DNAH8: variants seen among roughly 807,000 people sequenced by gnomAD.
DNAH8 encodes dynein axonemal heavy chain 8.
DNAH8 carries 382 observed loss-of-function variants against 562.1 expected under a neutral mutation model. That is an observed-to-expected ratio of 0.68 (90% confidence interval 0.63 to 0.74). The LOEUF (loss-of-function observed/expected upper bound fraction) is 0.74. Among genes scored for constraint, DNAH8 ranks in the 30% least tolerant of loss-of-function variants. The pLI, the probability that DNAH8 is intolerant of heterozygous loss-of-function variation, is 0.00. For missense variants in DNAH8, 5,203 were observed against 5,620.4 expected, an observed-to-expected ratio of 0.93 and a Z score of 2.37; for synonymous variants, 1,881 against 1,919.4, an observed-to-expected ratio of 0.98 and a Z score of 0.52.
chr6:38,978,943 T>C (rs1561937093), intron 85 of DNAH8, among the ~76,000 whole-genome samples: 1 of 152,216 alleles, frequency 6.6e-6, no homozygotes, highest in Non-Finnish European at 1.5e-5. Context: ...TGATGGACAG[T>C]CCTCTCCCTT....
intron 82 of DNAH8, among the ~76,000 whole-genome samples, chr6:38,958,673 C>T (rs538579722): frequency 2.7e-5 from 4 of 145,684 alleles, no homozygotes; most frequent in Admixed American, 2.7e-4. Context: ...AAAAAAAGCC[C>T]AGGAACTGAT....
At chr6:38,937,832 G>T (rs2150591889) in intron 77 of DNAH8, 142 bp from the exon 78 acceptor site, 1 of 979,574 alleles carries the variant, frequency 1.0e-6, no homozygotes, top group Non-Finnish European at 1.5e-6. Context: ...GGTGTCTTAA[G>T]ATTCTACTGT....
chr6:38,956,933 C>T (rs528410851), intron 82 of DNAH8, among the ~76,000 whole-genome samples: 1 of 152,248 alleles, frequency 6.6e-6, no homozygotes, highest in South Asian at 2.1e-4. Flanking sequence ...TAGTCCTTAC[C>T]TACCAACAAT....
intron 61 of DNAH8, among the ~76,000 whole-genome samples, chr6:38,899,054 T>A (rs555190899): frequency 2.8e-4 from 43 of 152,316 alleles, no homozygotes; most frequent in South Asian, 2.7e-3. Context: ...TGTATTTTTT[T>A]AAAAATTATT....
chr6:38,971,874 T>G (rs1476218371), intron 83 of DNAH8: 2 of 385,590 alleles, frequency 5.2e-6, no homozygotes, highest in Admixed American at 4.4e-5. Flanking sequence ...CCATTTTACC[T>G]TCACCAATTT....
intron 88 of DNAH8, among the ~76,000 whole-genome samples, chr6:39,002,388 C>T (rs1472145267): frequency 2.0e-5 from 3 of 152,108 alleles, no homozygotes; most frequent in South Asian, 2.1e-4. Context: ...GGATCCTTGA[C>T]TTTTGTTGAC....
intron 37 of DNAH8, among the ~76,000 whole-genome samples, chr6:38,849,979 C>G (rs1775613767): frequency 6.6e-6 from 1 of 152,068 alleles, no homozygotes. Context: ...GCAAATTAAT[C>G]ATGTGGTACT....
intron 85 of DNAH8, among the ~76,000 whole-genome samples, chr6:38,981,508 G>A (rs1334778032): frequency 6.6e-6 from 1 of 152,116 alleles, no homozygotes; most frequent in African/African-American, 2.4e-5. Context: ...AACAAATGAG[G>A]GTCATGTGAA....
chr6:38,758,534 C>T (rs1227854118), intron 10 of DNAH8, among the ~76,000 whole-genome samples: 94 of 151,868 alleles, frequency 6.2e-4, no homozygotes, highest in Admixed American at 1.1e-3. Flanking sequence ...TTCTCCTGCC[C>T]GATTGCCCTG....
At chr6:38,868,641 A>G (rs1200213885) in intron 48 of DNAH8, among the ~76,000 whole-genome samples, 5 of 151,816 alleles carry the variant, frequency 3.3e-5, no homozygotes, top group Admixed American at 2.0e-4. Flanking sequence ...TGTGGAGAGC[A>G]TGCTGCTTTC....
At position 38,902,041 on chromosome 6, in the gene DNAH8, G is replaced by A. The variant is rs74588689; in HGVS notation, c.9194+2135G>A. ...CCCAACAGCACTGCTTCACTCACTG[G>A]CATTATCTGTCTGATTCCTGTAGGC... On this transcript the variant is annotated intron_variant, in intron 62 of 92. Coordinates refer to ENST00000327475, the MANE Select transcript of DNAH8 (RefSeq NM_001206927.2). Among the ~76,000 whole-genome samples, 1,322 of 152,276 alleles carry A rather than the reference G, an allele frequency of 8.7e-3. 19 individuals are homozygous for A. The highest frequency in any genetic ancestry group is 0.025 in the South Asian group (121 of 4,820).
chr6:38,896,085 G>A lies in DNAH8; in HGVS notation c.8800G>A (p.Val2934Ile). The A allele has an allele frequency of 6.2e-7, 1 of 1,614,090 alleles. No individual in the cohort carries two copies. Among genetic ancestry groups the A allele is most frequent in the Non-Finnish European group, 8.5e-7 (1 of 1,179,982 alleles). Residue 2934 changes from valine to isoleucine, a missense_variant, in exon 60 of 93, where the codon GTT becomes ATT. Val to Ile is a conservative substitution (Grantham distance 29). This residue lies in a region of DNAH8 where 977 missense variants were observed against 1,061.8 expected (regional missense o/e 0.92). Transcript: ENST00000327475. ...QWFNAHLTRA[V>I]EENIGSDAAS... The stretch of plus-strand genomic sequence containing the variant: ...GTTTAATGCACATCTTACTCGTGCA[G>A]TTGAAGAAAATATTGGCTCTGATGC...
intron 80 of DNAH8, 38 bp from the exon 81 acceptor site, chr6:38,949,414 A>G (rs1761702603): frequency 8.1e-7 from 1 of 1,233,178 alleles, no homozygotes; most frequent in Non-Finnish European, 1.2e-6. Flanking sequence ...CCACTTACAT[A>G]TAGTTCTGTG....
chr6:38,872,541 T>C lies in DNAH8; in HGVS notation c.6996T>C (p.Tyr2332=). The change falls in exon 50 of 93, where the codon TAT becomes TAC. Residue 2332 remains tyrosine, a synonymous_variant. Coordinates refer to ENST00000327475, the MANE Select transcript of DNAH8 (RefSeq NM_001206927.2). ...PPWNLKLVQL[Y]ETSLVRHGLM... ...TTTACTGGTTAATTGTGTAGTTATA[T>C]GAGACGTCTTTGGTACGGCATGGCT... 1 of 1,613,902 alleles carries C rather than the reference T, an allele frequency of 6.2e-7. No homozygotes were observed. The highest frequency in any genetic ancestry group is 8.5e-7 in the Non-Finnish European group (1 of 1,179,826).
Position 38,715,314 on chromosome 6 carries a change from C to T in DNAH8, c.-136C>T, listed in dbSNP as rs1298203245. On this transcript the variant is annotated 5_prime_UTR_variant, in exon 1 of 93. Transcript: ENST00000327475. ...CGGACTCCCAACCGTCAGCCTCGTT[C>T]CGGGCCGCGGAGGCCGGAGCAGCTC... The T allele has an allele frequency of 6.6e-6, 1 of 152,254 alleles. No homozygotes were observed. Among genetic ancestry groups the T allele is most frequent in the Non-Finnish European group, 1.5e-5 (1 of 68,066 alleles). 9.4% of individuals were successfully genotyped at this position (152,254 alleles called of 1,614,324 possible).
chr6:38,946,562 G>C (rs1761445136), intron 80 of DNAH8, among the ~76,000 whole-genome samples: 1 of 152,208 alleles, frequency 6.6e-6, no homozygotes, highest in African/African-American at 2.4e-5. Context: ...TGTAATCCCA[G>C]CACTTTAGGA....
rs1777566641 is a variant in DNAH8 at position 38,872,727 on chromosome 6, C to G, written c.7182C>G (p.Asp2394Glu). ...GCAGACTGGACACTGCTACCAATGA[C>G]TGGACAGATGGGATTTTTTCTACTC... ...MFGRLDTATN[D>E]WTDGIFSTLW... Residue 2394 changes from aspartate (D) to glutamate (E), a missense_variant, in exon 50 of 93, where the codon GAC becomes GAG. Physicochemically the swap from Asp to Glu is conservative, Grantham distance 45. Transcript: ENST00000327475. The G allele has an allele frequency of 6.2e-7, 1 of 1,613,958 alleles. No individual in the cohort carries two copies. The highest frequency in any genetic ancestry group is 8.5e-7 in the Non-Finnish European group (1 of 1,179,984).
Position 38,894,879 on chromosome 6 carries a change from A to C in DNAH8, c.8747+15A>C. On this transcript the variant is annotated intron_variant, in intron 59 of 92. Transcript: ENST00000327475. ...ATTGCAGACAGGTGCGTGTTGCGGCACTAGAGTTTAAATGTATGACCTGAG... is the reference window on the plus strand; with the variant it reads ...ATTGCAGACAGGTGCGTGTTGCGGCCCTAGAGTTTAAATGTATGACCTGAG... The C allele has an allele frequency of 6.2e-7, 1 of 1,607,170 alleles. No individual in the cohort carries two copies. Among genetic ancestry groups the C allele is most frequent in the South Asian group, 1.1e-5 (1 of 89,444 alleles).
chr6:38,985,129 T>C (rs1362317339), intron 87 of DNAH8, among the ~76,000 whole-genome samples: 1 of 152,222 alleles, frequency 6.6e-6, no homozygotes, highest in African/African-American at 2.4e-5. Flanking sequence ...TGTTCACTTT[T>C]TCTCTGTGCC....
Sources: gnomAD v4.1 joint callset for allele counts (sites outside exome capture counted in the v4.1 genomes callset) on GRCh38, gnomAD v4.1.1 for gene constraint, gnomAD v4.1.1 regional missense constraint, MANE v1.5 for transcripts, NCBI Gene and HGNC (gene_info 2026-07-23, HGNC 2026-07-21) for gene names.